SPATA7: variants seen among roughly 807,000 people sequenced by gnomAD.
SPATA7 encodes spermatogenesis associated 7, also known as spermatogenesis-associated protein 7.
A neutral mutation model predicts 51.8 loss-of-function variants in SPATA7; 43 were observed. That is an observed-to-expected ratio of 0.83 (90% CI 0.65 to 1.07). The LOEUF (loss-of-function observed/expected upper bound fraction) is 1.07. SPATA7 is among the 50% of genes least tolerant of loss of function. The pLI is 0.00. For synonymous variants in SPATA7, 230 were observed against 252.8 expected, an observed-to-expected ratio of 0.91 and a Z score of 0.86; for missense variants, 683 against 701.3, an observed-to-expected ratio of 0.97 and a Z score of 0.30.
intron 4 of SPATA7, chr14:88,466,160 T>C (rs1284187000): frequency 6.6e-6 from 1 of 152,166 alleles, no homozygotes; most frequent in Non-Finnish European, 1.5e-5. Context: ...AAGGAGCTCG[T>C]TCTGAATATT....
chr14:88,464,278 T>C (rs1455560734), intron 4 of SPATA7, among the ~76,000 whole-genome samples: 1 of 152,218 alleles, frequency 6.6e-6, no homozygotes, highest in Non-Finnish European at 1.5e-5. Flanking sequence ...ACTTTTGAAA[T>C]GTCCATCCCT....
chr14:88,385,699 G>C lies in SPATA7; in HGVS notation c.-120G>C. On this transcript the variant is annotated 5_prime_UTR_variant, in exon 1 of 12. Transcript: ENST00000393545. ...GCAACGGCCTGGCAACGGTTTCCCT[G>C]CTGCTGCAGCCCCCGTCGGCTCCTC... The C allele has an allele frequency of 2.0e-6, 2 of 990,504 alleles. No homozygotes were observed. The highest frequency in any genetic ancestry group is 3.1e-6 in the Non-Finnish European group (2 of 638,912). The allele number at this position is 990,504 out of a possible 1,614,324, so 61.4% of individuals were successfully genotyped here. A position where few individuals can be genotyped will look rare whatever the true frequency, so the allele number is the denominator to read the frequency against.
Position 88,467,772 on chromosome 14 carries a change from T to G in SPATA7, c.255-2075T>G, listed in dbSNP as rs1051465474. ...AAAACTCCATTATCAAAAATTAGTT[T>G]AAGATAGAAATCTATGCACTTTAAT... On this transcript the variant is annotated intron_variant, in intron 4 of 4. Coordinates refer to the SPATA7 transcript ENST00000556406. The G allele has an allele frequency of 3.2e-5, 6 of 189,120 alleles. No individual in the cohort carries two copies. The South Asian group carries it at 5.6e-4, about 18-fold the overall frequency. The allele number at this position is 189,120 out of a possible 1,614,324, so 11.7% of individuals were successfully genotyped here. A position where few individuals can be genotyped will look rare whatever the true frequency, so the allele number is the denominator to read the frequency against.
intron 3 of SPATA7, among the ~76,000 whole-genome samples, chr14:88,453,639 G>A (rs1230549843): frequency 1.3e-5 from 2 of 152,114 alleles, no homozygotes; most frequent in African/African-American, 4.8e-5. Flanking sequence ...ACTAAAATTA[G>A]TTCTACTTTA....
intron 3 of SPATA7, among the ~76,000 whole-genome samples, chr14:88,447,647 G>A (rs1432502738): frequency 2.0e-5 from 3 of 151,356 alleles, no homozygotes; most frequent in Non-Finnish European, 4.4e-5. Context: ...CATGTTTAGC[G>A]CTTCCTTCAG....
At chr14:88,387,887 A>G (rs1435457517) in intron 1 of SPATA7, among the ~76,000 whole-genome samples, 1 of 152,170 alleles carries the variant, frequency 6.6e-6, no homozygotes, top group Non-Finnish European at 1.5e-5. Flanking sequence ...AATGACCTTT[A>G]GGAAGGAGAG....
Position 88,416,718 on chromosome 14 carries a change from C to G in SPATA7, c.246C>G (p.Asp82Glu). ...VSVSTSIKYA[D>E]QQRREKLKKE... The stretch of plus-strand genomic sequence containing the variant: ...ATTTGTTTTCCCTTTTAGATGCAGA[C>G]CAACAACGAAGAGAGAAACTCAAAA... The change falls in exon 5 of 12, where the codon GAC (aspartate) becomes GAG (glutamate). Residue 82 changes from aspartate (D) to glutamate (E), a missense_variant. Coordinates refer to ENST00000393545, the MANE Select transcript of SPATA7 (RefSeq NM_018418.5). 6.2e-7 allele frequency: 1 copy of G among 1,612,890 alleles called. No individual in the cohort carries two copies. Among genetic ancestry groups the G allele is most frequent in the Non-Finnish European group, 8.5e-7 (1 of 1,179,580 alleles).
chr14:88,429,481 G>A lies in SPATA7; in HGVS notation c.1028+18G>A. On this transcript the variant is annotated intron_variant, in intron 8 of 11. Coordinates refer to ENST00000393545, the MANE Select transcript of SPATA7 (RefSeq NM_018418.5). Reference sequence around the variant, plus strand: ...TCACCAAGGTAAACAGTTCACAGGAGAAATAATTTCAACTGTCTTTAATTG... The same window carrying A: ...TCACCAAGGTAAACAGTTCACAGGAAAAATAATTTCAACTGTCTTTAATTG... The A allele has an allele frequency of 6.6e-7, 1 of 1,511,276 alleles. No homozygotes were observed. The highest frequency in any genetic ancestry group is 1.1e-5 in the South Asian group (1 of 88,556). The allele number at this position is 1,511,276 out of a possible 1,614,324, so 93.6% of individuals were successfully genotyped here.
intron 1 of SPATA7, 171 bp downstream of exon 1, chr14:88,386,008 A>AG (rs2075564665): frequency 6.8e-7 from 1 of 1,471,500 alleles, no homozygotes; most frequent in Admixed American, 2.5e-5. Flanking sequence ...AGGAAGAGGG[A>AG]GAGCCTGCTT....
At position 88,416,314 on chromosome 14, in the gene SPATA7, A is replaced by C. The variant is rs961180525; in HGVS notation, c.239-397A>C. Reference sequence around the variant, plus strand: ...TTACATAGTCATAAATAACATGGTTAAGCATTTGTAACCTTCATATCTCTG... The same window carrying C: ...TTACATAGTCATAAATAACATGGTTCAGCATTTGTAACCTTCATATCTCTG... On this transcript the variant is annotated intron_variant, in intron 4 of 11. Coordinates refer to ENST00000393545, the MANE Select transcript of SPATA7 (RefSeq NM_018418.5). 4.2e-5 allele frequency: 7 copies of C among 168,200 alleles called. No homozygotes were observed. In the Admixed American group the frequency reaches 4.2e-4, roughly 10 times the overall value. The allele number at this position is 168,200 out of a possible 1,614,324, so 10.4% of individuals were successfully genotyped here. A position where few individuals can be genotyped will look rare whatever the true frequency, so the allele number is the denominator to read the frequency against.
chr14:88,413,583 T>G (rs886331453), intron 4 of SPATA7, among the ~76,000 whole-genome samples: 1 of 152,222 alleles, frequency 6.6e-6, no homozygotes, highest in African/African-American at 2.4e-5. Flanking sequence ...AGTAGTATGT[T>G]GAATAAGAGT....
intron 4 of SPATA7, among the ~76,000 whole-genome samples, chr14:88,414,918 AT>A (rs745307237): frequency 6.6e-6 from 1 of 151,948 alleles, no homozygotes; most frequent in Non-Finnish European, 1.5e-5. Flanking sequence ...GTCCAAAAAT[AT>A]GTTTGGCGTG....
At position 88,386,012 on chromosome 14, in the gene SPATA7, C is replaced by G. The variant is rs2075564731; in HGVS notation, c.19+175C>G. ...GGCCTGCGCAAAGGAAGAGGGAGAGCCTGCTTGCCAGCCTCGCAGGTCCGC... is the reference window on the plus strand; with the variant it reads ...GGCCTGCGCAAAGGAAGAGGGAGAGGCTGCTTGCCAGCCTCGCAGGTCCGC... On this transcript the variant is annotated intron_variant, in intron 1 of 11. Transcript: ENST00000393545. The G allele has an allele frequency of 2.0e-6, 3 of 1,465,204 alleles. No homozygotes were observed. The African/African-American group carries it at 4.3e-5, about 21-fold the overall frequency. 90.8% of individuals were successfully genotyped at this position (1,465,204 alleles called of 1,614,324 possible).
rs985853040 is a variant in SPATA7 at position 88,469,197 on chromosome 14, G to A, written c.255-650G>A. On this transcript the variant is annotated intron_variant, in intron 4 of 4. Transcript: ENST00000556406. This position sits in a 1 kb window ranked among gnomAD's most constrained non-coding sequence, Gnocchi z 4.3. ...TGCAGATAAAGAGCACTGGGTGCCA[G>A]TGAACCAAACCCAACCACAAAGGGA... 9 of 1,157,018 alleles carry A rather than the reference G, an allele frequency of 7.8e-6. No homozygotes were observed. The highest frequency in any genetic ancestry group is 3.1e-5 in the African/African-American group (2 of 64,218). The allele number at this position is 1,157,018 out of a possible 1,614,324, so 71.7% of individuals were successfully genotyped here.
At position 88,396,186 on chromosome 14, in the gene SPATA7, T is replaced by C; in HGVS notation, c.221T>C (p.Val74Ala). Residue 74 changes from valine (V) to alanine (A), a missense_variant, in exon 4 of 12, where the codon GTG (valine) becomes GCG (alanine). Transcript: ENST00000393545. ...AAVDCSVPVS[V>A]STSIKYADQQ... ...GTAGACTGCTCGGTTCCAGTAAGCG[T>C]GAGTACCAGCATAAAGTGTAAGTAA... 1 of 1,609,884 alleles carries C rather than the reference T, an allele frequency of 6.2e-7. No homozygotes were observed. The highest frequency in any genetic ancestry group is 8.5e-7 in the Non-Finnish European group (1 of 1,177,580).
chr14:88,420,987 C>T (rs560603556), intron 5 of SPATA7, among the ~76,000 whole-genome samples: 2 of 151,842 alleles, frequency 1.3e-5, no homozygotes, highest in Non-Finnish European at 2.9e-5. Flanking sequence ...AGTGGTGGTG[C>T]GCACTTGTAG....
intron 10 of SPATA7, among the ~76,000 whole-genome samples, chr14:88,433,626 G>A (rs1044449623): frequency 6.6e-6 from 1 of 152,106 alleles, no homozygotes; most frequent in Non-Finnish European, 1.5e-5. Context: ...TAAGAGCTAG[G>A]TTTGCACGCT....
intron 3 of SPATA7, among the ~76,000 whole-genome samples, chr14:88,454,249 C>G (rs10134182): frequency 0.1 from 15,741 of 152,086 alleles, 1,044 homozygotes; most frequent in African/African-American, 0.18. Flanking sequence ...TGCCTGCGTT[C>G]CGTCACTTGT....
At chr14:88,436,605 G>A (rs2077094516) in intron 10 of SPATA7, among the ~76,000 whole-genome samples, 1 of 152,118 alleles carries the variant, frequency 6.6e-6, no homozygotes, top group Non-Finnish European at 1.5e-5. Context: ...TTTGTATGTG[G>A]TGAGAGATAG....
Sources: allele counts gnomAD v4.1 joint callset (sites outside exome capture counted in the v4.1 genomes callset), GRCh38; gene constraint gnomAD v4.1.1; non-coding constraint Gnocchi (gnomAD v3.1); transcripts MANE v1.5; gene names NCBI Gene and HGNC (gene_info 2026-07-23, HGNC 2026-07-21).